MLN: variants seen among roughly 807,000 people sequenced by gnomAD.
MLN encodes promotilin.
A neutral mutation model predicts 13.3 loss-of-function variants in MLN; 14 were observed. The observed-to-expected ratio is 1.05, with a 90% CI of 0.69 to 1.64. MLN has a LOEUF of 1.64. Among genes scored for constraint, MLN ranks in the 40% most tolerant of loss-of-function variants. The probability of loss-of-function intolerance (pLI) is 0.00; values close to 1 mark genes in which losing one functional copy is unlikely to be tolerated. For missense variants in MLN, 122 were observed against 142.9 expected (o/e 0.85, Z 0.75); for synonymous variants, 59 against 54.7 (o/e 1.08, Z -0.34).
intron 3 of MLN, 91 bp from the exon 4 acceptor site, chr6:33,795,696 G>A: frequency 9.5e-7 from 1 of 1,051,470 alleles, no homozygotes; most frequent in Non-Finnish European, 1.4e-6. Flanking sequence ...GGACCCTTGG[G>A]AGCCACACCA....
In MLN at chr6:33,794,694, G is replaced by T; in HGVS notation, c.*131C>A. The T allele has an allele frequency of 2.1e-6, 2 of 962,484 alleles. No homozygotes were observed. The highest frequency in any genetic ancestry group is 3.0e-5 in the Admixed American group (1 of 32,854). 59.6% of individuals were successfully genotyped at this position (962,484 alleles called of 1,614,324 possible). A position where few individuals can be genotyped will look rare whatever the true frequency, so the allele number is the denominator to read the frequency against. The stretch of plus-strand genomic sequence containing the variant: ...TTTCTGTATATTTCATGCTTTATTT[G>T]CTGGAGGGGAATTTGCTTTGGAAAG... On this transcript the variant is annotated 3_prime_UTR_variant, in exon 5 of 5. Transcript: ENST00000430124.
intron 1 of MLN, 93 bp from the exon 2 acceptor site, chr6:33,801,263 C>G: frequency 1.1e-6 from 1 of 889,396 alleles, no homozygotes; most frequent in South Asian, 1.5e-5. Flanking sequence ...TGGCCCATGC[C>G]CTACCTCTAG....
At chr6:33,796,463 G>A (rs895326265) in intron 3 of MLN, among the ~76,000 whole-genome samples, 2 of 152,192 alleles carry the variant, frequency 1.3e-5, no homozygotes, top group South Asian at 2.1e-4. Flanking sequence ...AGCCTAGGGC[G>A]CTGATTGATC....
chr6:33,801,616 C>T (rs1222924642), intron 1 of MLN, among the ~76,000 whole-genome samples: 1 of 152,190 alleles, frequency 6.6e-6, no homozygotes, highest in Admixed American at 6.5e-5. Context: ...AAGGGGTGGA[C>T]CCAAGCCCAG....
chr6:33,795,193 G>A (rs1185631203), intron 4 of MLN, among the ~76,000 whole-genome samples: 2 of 152,224 alleles, frequency 1.3e-5, no homozygotes, highest in African/African-American at 4.8e-5. Flanking sequence ...AGAATGAATG[G>A]GGGAAGGGAA....
rs889838451 is a variant in MLN at position 33,803,410 on chromosome 6, C to T, written c.-8+543G>A. On this transcript the variant is annotated intron_variant, in intron 1 of 4. Transcript: ENST00000430124. This position sits in a 1 kb window ranked among gnomAD's most constrained non-coding sequence, Gnocchi z 4.5. ...GCAACCTCTGCCTCCCAGGTTCAAG[C>T]GATTCTTCTGCCTCAGCTTCCTGAG... Among the ~76,000 whole-genome samples, 4 of 150,916 alleles carry T rather than the reference C, an allele frequency of 2.7e-5. No homozygotes were observed. Among genetic ancestry groups the T allele is most frequent in the Admixed American group, 6.6e-5 (1 of 15,082 alleles).
chr6:33,797,108 G>A (rs1767944188), intron 3 of MLN, among the ~76,000 whole-genome samples: 1 of 152,228 alleles, frequency 6.6e-6, no homozygotes, highest in Non-Finnish European at 1.5e-5. Context: ...GGGCCCAACA[G>A]CACCGGGAAA....
rs1374924108 is a variant in MLN at position 33,801,056 on chromosome 6, C to G, written c.108G>C (p.Gln36His). ...AGCAGGGGGTTCTTACCTGCATCCTCTGGAGTTCGCCATAGGTGAAGATGG... is the reference window on the plus strand; with the variant it reads ...AGCAGGGGGTTCTTACCTGCATCCTGTGGAGTTCGCCATAGGTGAAGATGG... ...FVPIFTYGELQRMQEKERNKG... is the reference protein window; with the variant it reads ...FVPIFTYGELHRMQEKERNKG... Residue 36 changes from glutamine to histidine, a missense_variant, in exon 2 of 5, where the codon CAG becomes CAC. Transcript: ENST00000430124. 6.2e-7 allele frequency: 1 copy of G among 1,613,686 alleles called. No individual in the cohort carries two copies. The highest frequency in any genetic ancestry group is 1.3e-5 in the African/African-American group (1 of 74,932).
In MLN at chr6:33,799,327, T is replaced by C. The variant is rs1767995884; in HGVS notation, c.118-106A>G. On this transcript the variant is annotated intron_variant, in intron 2 of 4. Coordinates refer to ENST00000430124, the MANE Select transcript of MLN (RefSeq NM_002418.3). This position sits in a 1 kb window ranked among gnomAD's most constrained non-coding sequence, Gnocchi z 4.6. ...AGGGTGCTGTCTGCCCTGAGCTCCC[T>C]ACAGACTGAAAGAACCCTTTCCTCC... 1.4e-6 allele frequency: 1 copy of C among 703,320 alleles called. No homozygotes were observed. Among genetic ancestry groups the C allele is most frequent in the East Asian group, 2.6e-5 (1 of 37,990 alleles). The allele number at this position is 703,320 out of a possible 1,614,324, so 43.6% of individuals were successfully genotyped here.
chr6:33,795,544 G>T lies in MLN; in HGVS notation c.296C>A (p.Ala99Asp). Residue 99 changes from alanine (A) to aspartate (D), a missense_variant, in exon 4 of 5, where the codon GCC becomes GAC. Physicochemically the swap from Ala to Asp is moderately radical, Grantham distance 126. Coordinates refer to ENST00000430124, the MANE Select transcript of MLN (RefSeq NM_002418.3). ...MNSRQLEKYPATLEGLLSEML... is the reference protein window; with the variant it reads ...MNSRQLEKYPDTLEGLLSEML... ...CTCACTCAGCAGCCCTTCCAGGGTG[G>T]CCGGGTACTTTTCCAGCTGTCTGGA... is the stretch of plus-strand genomic sequence containing the variant. 6.4e-7 allele frequency: 1 copy of T among 1,567,300 alleles called. No homozygotes were observed.
In MLN at chr6:33,799,426, G is replaced by C. The variant is rs1248646340; in HGVS notation, c.118-205C>G. ...ATGTCCCTTGAGGTTGCCCACCAAG[G>C]GCCTTGCTCTTCAAGGTCAACTTGA... On this transcript the variant is annotated intron_variant, in intron 2 of 4. Coordinates refer to ENST00000430124, the MANE Select transcript of MLN (RefSeq NM_002418.3). This position sits in a 1 kb window ranked among gnomAD's most constrained non-coding sequence, Gnocchi z 4.6. Among the ~76,000 whole-genome samples, 1 of 152,036 alleles carries C rather than the reference G, an allele frequency of 6.6e-6. No individual in the cohort carries two copies. The highest frequency in any genetic ancestry group is 1.5e-5 in the Non-Finnish European group (1 of 68,002).
rs1379801995 is a variant in MLN at position 33,799,823 on chromosome 6, A to G, written c.118-602T>C. On this transcript the variant is annotated intron_variant, in intron 2 of 4. Transcript: ENST00000430124. The surrounding 1 kb of genome is among the most constrained non-coding windows in gnomAD (Gnocchi z 4.6). ...GCTAGTTTATGTTCCATTGGGTTTG[A>G]CTGTTCCTGTCCAGCCCCCAGTCTT... Among the ~76,000 whole-genome samples the G allele has an allele frequency of 3.3e-5, 5 of 152,194 alleles. No individual in the cohort carries two copies. Among genetic ancestry groups the G allele is most frequent in the Non-Finnish European group, 5.9e-5 (4 of 68,034 alleles).
Position 33,803,110 on chromosome 6 carries a change from G to A in MLN, c.-8+843C>T, listed in dbSNP as rs1346175026. Among the ~76,000 whole-genome samples, 1 of 152,118 alleles carries A rather than the reference G, an allele frequency of 6.6e-6. No individual in the cohort carries two copies. The highest frequency in any genetic ancestry group is 2.4e-5 in the African/African-American group (1 of 41,406). On this transcript the variant is annotated intron_variant, in intron 1 of 4. Transcript: ENST00000430124. The surrounding 1 kb of genome is among the most constrained non-coding windows in gnomAD (Gnocchi z 4.5). ...TTCTGGTGAGCTGGAGGTGGGAGAAGGAGCTTTTCATTGTACAGTGAGGCA... is the reference window on the plus strand; with the variant it reads ...TTCTGGTGAGCTGGAGGTGGGAGAAAGAGCTTTTCATTGTACAGTGAGGCA...
At chr6:33,802,702 C>G (rs1373634831) in intron 1 of MLN, among the ~76,000 whole-genome samples, 1 of 152,198 alleles carries the variant, frequency 6.6e-6, no homozygotes, top group East Asian at 1.9e-4. Context: ...TATGCAAATT[C>G]CCAGCAGGCT....
In MLN at chr6:33,795,742, G is replaced by A. The variant is rs1767901668; in HGVS notation, c.235-137C>T. The A allele has an allele frequency of 2.9e-6, 2 of 682,796 alleles. 1 individual carries two copies. Among genetic ancestry groups the A allele is most frequent in the South Asian group, 3.5e-5 (2 of 56,906 alleles). The allele number at this position is 682,796 out of a possible 1,614,324, so 42.3% of individuals were successfully genotyped here. A position where few individuals can be genotyped will look rare whatever the true frequency, so the allele number is the denominator to read the frequency against. On this transcript the variant is annotated intron_variant, in intron 3 of 4. Coordinates refer to ENST00000430124, the MANE Select transcript of MLN (RefSeq NM_002418.3). ...CCCACTAGAGCCTCTAGGGATGGCT[G>A]GGAATTCTGCCACCTTCCCCTAATT...
chr6:33,801,256 C>T, intron 1 of MLN, 86 bp from the exon 2 acceptor site: 1 of 956,016 alleles, frequency 1.0e-6, no homozygotes, highest in Non-Finnish European at 1.7e-6. Context: ...TCAGTTCTGG[C>T]CCATGCCCTA....
intron 1 of MLN, among the ~76,000 whole-genome samples, chr6:33,801,934 T>C (rs888843194): frequency 1.3e-5 from 2 of 152,150 alleles, no homozygotes; most frequent in Admixed American, 1.3e-4. Flanking sequence ...TGGTAGGACA[T>C]TGGGCTTTAG....
In MLN at chr6:33,799,180, T is replaced by C; in HGVS notation, c.159A>G (p.Val53=). 1 of 1,613,254 alleles carries C rather than the reference T, an allele frequency of 6.2e-7. No homozygotes were observed. The highest frequency in any genetic ancestry group is 8.5e-7 in the Non-Finnish European group (1 of 1,179,354). Residue 53 remains valine, a synonymous_variant, in exon 3 of 5, where the codon GTA becomes GTG. Transcript: ENST00000430124. The surrounding 1 kb of genome is among the most constrained non-coding windows in gnomAD (Gnocchi z 4.6). ...GACCTTCCTCCCCAGACCTCTGCCA[T>C]ACACTCAGGGATTTCTTTTGCCCTT... ...RNKGQKKSLS[V]WQRSGEEGPV... is the part of the protein sequence containing the mutation.
In MLN at chr6:33,794,813, C is replaced by T. The variant is rs1245922060; in HGVS notation, c.*12G>A. On this transcript the variant is annotated 3_prime_UTR_variant, in exon 5 of 5. Transcript: ENST00000430124. ...CCTCCCAAATCTGTCCACCTTCTCC[C>T]CAGCGTGGCCATCACTTGGCTGCTG... 1 of 1,613,558 alleles carries T rather than the reference C, an allele frequency of 6.2e-7. No individual in the cohort carries two copies. Among genetic ancestry groups the T allele is most frequent in the Non-Finnish European group, 8.5e-7 (1 of 1,179,714 alleles).
Sources: allele counts gnomAD v4.1 joint callset (sites outside exome capture counted in the v4.1 genomes callset), GRCh38; gene constraint gnomAD v4.1.1; non-coding constraint Gnocchi (gnomAD v3.1); transcripts MANE v1.5; gene names NCBI Gene and HGNC (gene_info 2026-07-23, HGNC 2026-07-21).